Variants in KANSL1 observed in about 807,000 individuals in gnomAD.
KANSL1 encodes the protein KAT8 regulatory NSL complex subunit 1, also known as MLL1/MLL complex subunit KANSL1.
In KANSL1, 22 loss-of-function variants were observed where a neutral mutation model predicts 103.6. The observed-to-expected ratio is 0.21, with a 90% CI of 0.15 to 0.30. The LOEUF is 0.30. KANSL1 is among the 10% of genes least tolerant of loss of function. The pLI is 1.00. For synonymous variants in KANSL1, 600 were observed against 527.6 expected (o/e 1.14, Z -1.88); for missense variants, 1,337 against 1,399.8 (o/e 0.96, Z 0.72).
chr17:46,163,726 A>G (rs1037827553), intron 2 of KANSL1, among the ~76,000 whole-genome samples: 2 of 152,202 alleles, frequency 1.3e-5, no homozygotes, highest in Non-Finnish European at 2.9e-5. Flanking sequence ...CCCTCCCGTC[A>G]TTGCCCCCAC....
intron 1 of KANSL1, among the ~76,000 whole-genome samples, chr17:46,198,971 AT>A (rs1199958871): frequency 6.6e-6 from 1 of 152,258 alleles, no homozygotes; most frequent in African/African-American, 2.4e-5. Context: ...ACATAAACCT[AT>A]GTAAAAACCC....
At chr17:46,165,326 G>A (rs1168374748) in intron 2 of KANSL1, among the ~76,000 whole-genome samples, 1 of 152,050 alleles carries the variant, frequency 6.6e-6, no homozygotes, top group Non-Finnish European at 1.5e-5. Context: ...TCCACCTCCT[G>A]GGTTCTGGCC....
intron 2 of KANSL1, among the ~76,000 whole-genome samples, chr17:46,135,500 CAAGACTTT>C (rs1408055535): frequency 6.6e-6 from 1 of 151,676 alleles, no homozygotes; most frequent in Non-Finnish European, 1.5e-5. Context: ...TCAATTATAC[CAAGACTTT>C]AAAGGTGACA....
intron 7 of KANSL1, among the ~76,000 whole-genome samples, chr17:46,049,107 AG>A (rs11318581): frequency 0.23 from 34,419 of 151,898 alleles, 4,414 homozygotes; most frequent in African/African-American, 0.32. Context: ...CTTGGTTGAT[AG>A]GAGTTCCTGA....
chr17:46,047,105 TTCTCTTAC>T (rs1371416072), intron 7 of KANSL1, among the ~76,000 whole-genome samples: 1 of 152,226 alleles, frequency 6.6e-6, no homozygotes, highest in East Asian at 1.9e-4. Flanking sequence ...TCTGTTTCCT[TTCTCTTAC>T]AAGAAATCAC....
chr17:46,105,934 C>CAA (rs2042533631), intron 2 of KANSL1, among the ~76,000 whole-genome samples: 1 of 82,340 alleles, frequency 1.2e-5, no homozygotes, highest in Non-Finnish European at 3.1e-5. Context: ...CACACACACA[C>CAA]ACACACACAC....
At chr17:46,145,905 T>C (rs571351389) in intron 2 of KANSL1, among the ~76,000 whole-genome samples, 2 of 152,310 alleles carry the variant, frequency 1.3e-5, no homozygotes, top group South Asian at 2.1e-4. Context: ...TTTTTTGTAT[T>C]TTTAGTAGAG....
At chr17:46,206,792 C>G (rs994129341) in intron 1 of KANSL1, among the ~76,000 whole-genome samples, 2 of 152,106 alleles carry the variant, frequency 1.3e-5, no homozygotes, top group African/African-American at 4.8e-5. Context: ...AAACCACATG[C>G]AACAAAGGAA....
At chr17:46,095,350 A>G (rs773662068) in intron 2 of KANSL1, among the ~76,000 whole-genome samples, 2 of 152,352 alleles carry the variant, frequency 1.3e-5, no homozygotes, top group East Asian at 1.9e-4. Context: ...CACATGGAAT[A>G]AAGGACCAAC....
At chr17:46,206,330 A>G (rs1371011218) in intron 1 of KANSL1, among the ~76,000 whole-genome samples, 1 of 152,270 alleles carries the variant, frequency 6.6e-6, no homozygotes, top group Admixed American at 6.5e-5. Context: ...GGATAAACAT[A>G]CAGATCAATG....
In KANSL1 at chr17:46,029,998, C is replaced by G. The variant is rs2076960369; in HGVS notation, c.*1478G>C. 6.7e-6 allele frequency: 1 copy of G among 150,224 alleles called. No individual in the cohort carries two copies. The highest frequency in any genetic ancestry group is 1.5e-5 in the Non-Finnish European group (1 of 67,594). The allele number at this position is 150,224 out of a possible 1,614,324, so 9.3% of individuals were successfully genotyped here. Reference sequence around the variant, plus strand: ...CTAGTCTGTGCTTTGCGAACAGAATCAAGACATTAACAAAGATCAGCTTCT... The same window carrying G: ...CTAGTCTGTGCTTTGCGAACAGAATGAAGACATTAACAAAGATCAGCTTCT... On this transcript the variant is annotated 3_prime_UTR_variant, in exon 15 of 15. Transcript: ENST00000432791.
At chr17:46,124,120 C>T (rs950376799) in intron 2 of KANSL1, among the ~76,000 whole-genome samples, 22 of 152,166 alleles carry the variant, frequency 1.4e-4, no homozygotes, top group African/African-American at 4.6e-4. Context: ...CTACATCAGC[C>T]AGGTGCAGTG....
At chr17:46,170,211 C>G (rs2046213192) in intron 2 of KANSL1, 1 of 149,994 alleles carries the variant, frequency 6.7e-6, no homozygotes, top group South Asian at 2.1e-4. Flanking sequence ...CCAAATACAT[C>G]AATACATTTA....
intron 2 of KANSL1, among the ~76,000 whole-genome samples, chr17:46,163,363 C>T (rs1036380092): frequency 6.6e-6 from 1 of 152,202 alleles, no homozygotes; most frequent in Admixed American, 6.5e-5. Context: ...TATTTCCTCA[C>T]TGTTTTTTAT....
At chr17:46,083,566 T>C (rs530283107) in intron 3 of KANSL1, among the ~76,000 whole-genome samples, 3 of 152,048 alleles carry the variant, frequency 2.0e-5, no homozygotes, top group African/African-American at 7.2e-5. Flanking sequence ...TGGAGGTGGG[T>C]GTCTCTCTCC....
rs34473927 is a variant in KANSL1 at position 46,052,964 on chromosome 17, C to CAAAAA, written c.1849-2265_1849-2261dup. On this transcript the variant is annotated intron_variant, in intron 6 of 14. Transcript: ENST00000432791. Reference sequence around the variant, plus strand: ...GGGAAAAAGAGTAAGATCCTGTCTCCAAAAAAAAAAAAAAAAAAAAAAAAA... The same window carrying CAAAAA: ...GGGAAAAAGAGTAAGATCCTGTCTCCAAAAAAAAAAAAAAAAAAAAAAAAAAAAAA... 1.2e-3 allele frequency among the ~76,000 whole-genome samples: 39 copies of CAAAAA among 32,998 alleles called. 3 individuals are homozygous for CAAAAA. The highest frequency in any genetic ancestry group is 1.6e-3 in the Admixed American group (4 of 2,564). 21.6% of individuals were successfully genotyped at this position (32,998 alleles called of 152,430 possible).
At chr17:46,140,268 A>C (rs2044353941) in intron 2 of KANSL1, among the ~76,000 whole-genome samples, 1 of 152,250 alleles carries the variant, frequency 6.6e-6, no homozygotes, top group African/African-American at 2.4e-5. Flanking sequence ...TCCACAACTA[A>C]ATTTACATTG....
chr17:46,082,587 A>T, intron 3 of KANSL1, 45 bp from the exon 4 acceptor site: 1 of 1,136,002 alleles, frequency 8.8e-7, no homozygotes, highest in Non-Finnish European at 1.3e-6. Context: ...AGCAGTATAA[A>T]CTTCAAATTT....
chr17:46,141,573 A>G (rs923052145), intron 2 of KANSL1, among the ~76,000 whole-genome samples: 1 of 152,276 alleles, frequency 6.6e-6, no homozygotes, highest in African/African-American at 2.4e-5. Context: ...TCTGGGTGCG[A>G]AATAAGAAAA....
Sources: allele counts gnomAD v4.1 joint callset (sites outside exome capture counted in the v4.1 genomes callset), GRCh38; gene constraint gnomAD v4.1.1; transcripts MANE v1.5; gene names NCBI Gene and HGNC (gene_info 2026-07-23, HGNC 2026-07-21).